The following MTHFD2L variants were observed in gnomAD, a reference collection of about 807,000 sequenced individuals.
The protein encoded by MTHFD2L is methylenetetrahydrofolate dehydrogenase (NADP+ dependent) 2 like, also known as bifunctional methylenetetrahydrofolate dehydrogenase/cyclohydrolase 2, mitochondrial.
In MTHFD2L, 29 loss-of-function variants were observed where a neutral mutation model predicts 34.9. The observed-to-expected ratio is 0.83, with a 90% CI of 0.62 to 1.13. The LOEUF (loss-of-function observed/expected upper bound fraction) is 1.13. MTHFD2L is among the 50% of genes most tolerant of loss of function. The pLI is 0.00. For missense variants in MTHFD2L, 481 were observed against 446.5 expected, an observed-to-expected ratio of 1.08 and a Z score of -0.70; for synonymous variants, 167 against 155.7, an observed-to-expected ratio of 1.07 and a Z score of -0.54.
chr4:74,160,122 C>T, intron 1 of MTHFD2L: 1 of 1,281,180 alleles, frequency 7.8e-7, no homozygotes, highest in Non-Finnish European at 1.0e-6. Flanking sequence ...TTGTCCCCAT[C>T]CACAGTCATC....
At position 74,225,285 on chromosome 4, in the gene MTHFD2L, ATTC is replaced by A. The variant is rs141949267; in HGVS notation, c.713-12_713-10del. On this transcript the variant is annotated splice_polypyrimidine_tract_variant and intron_variant, in intron 5 of 7. Transcript: ENST00000325278. ...AAAAGTTCAGTAATCACTGATAGAA[ATTC>A]TTCTGTATTCCAGGTGATGCAACTG... 3.5e-4 allele frequency: 553 copies of A among 1,594,666 alleles called. No homozygotes were observed. In the African/African-American group the frequency reaches 7.0e-3, roughly 20 times the overall value.
chr4:74,138,298 T>C lies in MTHFD2L; in HGVS notation c.-297+12781T>C, dbSNP rs560056685. ...TCCAGTCTTCTCTGTCTGGCTTTGT[T>C]ACAGGCGGGTCTTTGTTGTTAGAGC... On this transcript the variant is annotated intron_variant, in intron 1 of 7. Coordinates refer to the MTHFD2L transcript ENST00000433372. 3.9e-5 allele frequency among the ~76,000 whole-genome samples: 6 copies of C among 152,226 alleles called. No individual in the cohort carries two copies. The East Asian group carries it at 1.2e-3, about 29-fold the overall frequency.
At chr4:74,213,718 T>C (rs1174395563) in intron 5 of MTHFD2L, among the ~76,000 whole-genome samples, 1 of 152,204 alleles carries the variant, frequency 6.6e-6, no homozygotes, top group Non-Finnish European at 1.5e-5. Context: ...ATCTTTGTGG[T>C]GTTCTCTGTG....
At chr4:74,177,012 C>T (rs898924134) in intron 3 of MTHFD2L, among the ~76,000 whole-genome samples, 1 of 151,744 alleles carries the variant, frequency 6.6e-6, no homozygotes, top group Non-Finnish European at 1.5e-5. Context: ...AATTCTTTTC[C>T]TCCAATATAG....
At chr4:74,256,141 T>G (rs1578634201) in intron 6 of MTHFD2L, among the ~76,000 whole-genome samples, 1 of 152,156 alleles carries the variant, frequency 6.6e-6, no homozygotes, top group Non-Finnish European at 1.5e-5. Context: ...TATTCTTTTT[T>G]CCCCCAGCCT....
intron 6 of MTHFD2L, among the ~76,000 whole-genome samples, chr4:74,251,878 A>C (rs1232738486): frequency 6.6e-6 from 1 of 152,228 alleles, no homozygotes; most frequent in Non-Finnish European, 1.5e-5. Flanking sequence ...GAAAACAAGA[A>C]AGAGAGGTCT....
intron 6 of MTHFD2L, among the ~76,000 whole-genome samples, chr4:74,261,980 G>C: frequency 6.6e-6 from 1 of 151,972 alleles, no homozygotes; most frequent in Non-Finnish European, 1.5e-5. Flanking sequence ...GAACAGAGTA[G>C]TATTTTATTC....
At chr4:74,291,125 C>A (rs866621394) in intron 7 of MTHFD2L, among the ~76,000 whole-genome samples, 4 of 141,452 alleles carry the variant, frequency 2.8e-5, no homozygotes, top group Non-Finnish European at 4.5e-5. Flanking sequence ...TCAAGCAATT[C>A]TCCTGCCTCA....
chr4:74,227,593 T>C (rs2110128993), intron 6 of MTHFD2L, among the ~76,000 whole-genome samples: 1 of 152,120 alleles, frequency 6.6e-6, no homozygotes, highest in Middle Eastern at 3.4e-3. Context: ...TTTGACGGCT[T>C]ATTATATTAC....
chr4:74,151,592 G>C (rs116259067), intron 1 of MTHFD2L, among the ~76,000 whole-genome samples: 77 of 152,264 alleles, frequency 5.1e-4, no homozygotes, highest in Admixed American at 1.7e-3. Context: ...ATTGTGGTAA[G>C]GGTTAAAAGA....
At chr4:74,285,107 G>A (rs1045883641) in intron 7 of MTHFD2L, among the ~76,000 whole-genome samples, 7 of 151,748 alleles carry the variant, frequency 4.6e-5, no homozygotes, top group African/African-American at 1.7e-4. Flanking sequence ...ACCAAACACT[G>A]CATGTTCTCA....
intron 6 of MTHFD2L, among the ~76,000 whole-genome samples, chr4:74,257,556 A>G (rs1248964976): frequency 6.6e-6 from 1 of 152,216 alleles, no homozygotes; most frequent in African/African-American, 2.4e-5. Context: ...TCCATTAATT[A>G]GAGGATATAA....
chr4:74,270,227 T>G (rs1002615583), intron 6 of MTHFD2L, among the ~76,000 whole-genome samples: 3 of 152,114 alleles, frequency 2.0e-5, no homozygotes, highest in African/African-American at 7.2e-5. Flanking sequence ...CATGCAGGTT[T>G]GTTACGTATG....
intron 6 of MTHFD2L, among the ~76,000 whole-genome samples, chr4:74,273,806 C>G (rs1039327000): frequency 2.0e-5 from 3 of 152,098 alleles, no homozygotes; most frequent in African/African-American, 7.2e-5. Context: ...CTGCCTCAGC[C>G]CCCCATGGCC....
intron 1 of MTHFD2L, among the ~76,000 whole-genome samples, chr4:74,152,962 C>G (rs1409647590): frequency 6.6e-6 from 1 of 152,230 alleles, no homozygotes; most frequent in African/African-American, 2.4e-5. Flanking sequence ...TAAGCTTCTT[C>G]AGCTCATTAG....
chr4:74,174,565 A>T lies in MTHFD2L; in HGVS notation c.203A>T (p.Gln68Leu), dbSNP rs1303670797. 2 of 1,606,172 alleles carry T rather than the reference A, an allele frequency of 1.2e-6. No individual in the cohort carries two copies. Among genetic ancestry groups the T allele is most frequent in the Admixed American group, 1.7e-5 (1 of 58,578 alleles). The change falls in exon 2 of 8, where the codon CAG becomes CTG. Residue 68 changes from glutamine to leucine, a missense_variant. Coordinates refer to ENST00000325278, the MANE Select transcript of MTHFD2L (RefSeq NM_001144978.3). ...GCCAAGCATATCCAGAAAGAAATAC[A>T]GCGAGGTGTGGAATCATGGGTTTCC... The part of the protein sequence containing the change: ...EMAKHIQKEI[Q>L]RGVESWVSLG...
At chr4:74,245,501 A>G (rs1391889598) in intron 6 of MTHFD2L, among the ~76,000 whole-genome samples, 1 of 151,972 alleles carries the variant, frequency 6.6e-6, no homozygotes, top group Non-Finnish European at 1.5e-5. Context: ...TTATACTTTA[A>G]GTTTTAGGGT....
intron 6 of MTHFD2L, among the ~76,000 whole-genome samples, chr4:74,271,304 G>T (rs146513071): frequency 0.24 from 36,755 of 151,992 alleles, 4,509 homozygotes; most frequent in Admixed American, 0.28. Flanking sequence ...ATGGTTTTAG[G>T]TCTAATATTT....
chr4:74,143,413 C>G (rs1054415289), intron 1 of MTHFD2L: 1 of 985,170 alleles, frequency 1.0e-6, no homozygotes, highest in Non-Finnish European at 1.2e-6. Context: ...CATGGAAACA[C>G]GGATTTGAGC....
Sources: allele counts gnomAD v4.1 joint callset (sites outside exome capture counted in the v4.1 genomes callset), GRCh38; gene constraint gnomAD v4.1.1; transcripts MANE v1.5; gene names NCBI Gene and HGNC (gene_info 2026-07-23, HGNC 2026-07-21).